Variants in BTRC observed in about 807,000 individuals in gnomAD.
BTRC encodes beta-transducin repeat containing E3 ubiquitin protein ligase.
BTRC carries 42 observed loss-of-function variants against 85.5 expected under a neutral mutation model. The ratio of observed to expected loss-of-function variants is 0.49; its 90% CI spans 0.38 to 0.64. BTRC has a LOEUF of 0.64. Ranked by LOEUF, BTRC falls within the 30% of genes least tolerant of loss-of-function variation. The pLI is 0.00. For synonymous variants in BTRC, 255 were observed against 263.3 expected, an observed-to-expected ratio of 0.97 and a Z score of 0.30; for missense variants, 594 against 743.5, an observed-to-expected ratio of 0.80 and a Z score of 2.34.
At chr10:101,376,209 T>TA (rs1383549679) in intron 1 of BTRC, among the ~76,000 whole-genome samples, 2 of 152,140 alleles carry the variant, frequency 1.3e-5, no homozygotes, top group Non-Finnish European at 2.9e-5. Context: ...GCCTGTAGTC[T>TA]AGCTACTTGG....
At chr10:101,414,346 T>C (rs1471760856) in intron 1 of BTRC, among the ~76,000 whole-genome samples, 1 of 152,160 alleles carries the variant, frequency 6.6e-6, no homozygotes, top group African/African-American at 2.4e-5. Flanking sequence ...TAACGTCATA[T>C]AATGCAAGGC....
At chr10:101,390,579 G>A (rs1943212154) in intron 1 of BTRC, among the ~76,000 whole-genome samples, 2 of 151,820 alleles carry the variant, frequency 1.3e-5, no homozygotes, top group South Asian at 2.1e-4. Flanking sequence ...TGATCCTCCC[G>A]CCTCGGTCTC....
intron 1 of BTRC, among the ~76,000 whole-genome samples, chr10:101,411,966 C>CTAGTG (rs1943792638): frequency 6.6e-6 from 1 of 152,112 alleles, no homozygotes; most frequent in African/African-American, 2.4e-5. Context: ...AGCTTTTATT[C>CTAGTG]TAGTGTAGTT....
At chr10:101,495,616 G>A (rs567056493) in intron 4 of BTRC, among the ~76,000 whole-genome samples, 2 of 152,226 alleles carry the variant, frequency 1.3e-5, no homozygotes, top group East Asian at 3.9e-4. Flanking sequence ...ATAGTCTCAG[G>A]CTCTTCTGTG....
intron 4 of BTRC, among the ~76,000 whole-genome samples, chr10:101,496,176 A>G (rs191673383): frequency 6.6e-6 from 1 of 152,288 alleles, no homozygotes; most frequent in East Asian, 1.9e-4. Flanking sequence ...TCAGATTTTC[A>G]TAACTACAAA....
chr10:101,397,922 C>G (rs1048126448), intron 1 of BTRC, among the ~76,000 whole-genome samples: 2 of 152,130 alleles, frequency 1.3e-5, no homozygotes, highest in Non-Finnish European at 2.9e-5. Context: ...GTAATCAAAG[C>G]TTCTTAAGTG....
At chr10:101,532,482 A>G (rs2062300138) in intron 8 of BTRC, 50 bp downstream of exon 8, 2 of 1,542,282 alleles carry the variant, frequency 1.3e-6, no homozygotes, top group African/African-American at 2.7e-5. Context: ...AAGAGTGACC[A>G]CATTCATAGC....
intron 1 of BTRC, among the ~76,000 whole-genome samples, chr10:101,386,275 T>C (rs1943077183): frequency 6.6e-6 from 1 of 152,234 alleles, no homozygotes; most frequent in African/African-American, 2.4e-5. Context: ...GTCAGTTTAC[T>C]CTAGTAAGTA....
chr10:101,509,243 ATTTTTTTTTTTTTTTT>A (rs71016330), intron 4 of BTRC, among the ~76,000 whole-genome samples: 47 of 69,918 alleles, frequency 6.7e-4, no homozygotes, highest in African/African-American at 2.8e-3. Context: ...GGCAATGTGG[ATTTTTTTTTTTTTTTT>A]TTTTTTTTTT....
chr10:101,524,442 A>T (rs1249712514), intron 5 of BTRC, among the ~76,000 whole-genome samples: 1 of 152,174 alleles, frequency 6.6e-6, no homozygotes, highest in Non-Finnish European at 1.5e-5. Flanking sequence ...TGACCACTCT[A>T]TGAGGTATTA....
rs540353407 is a variant in BTRC, at chr10:101,370,919, T to G, written c.48+16691T>G. Among the ~76,000 whole-genome samples the G allele has an allele frequency of 4.6e-5, 7 of 152,266 alleles. No homozygotes were observed. In the South Asian group the frequency reaches 1.5e-3, roughly 32 times the overall value. On this transcript the variant is annotated intron_variant, in intron 1 of 14. Transcript: ENST00000370187. Reference sequence around the variant, plus strand: ...ATTTATCTGCACACACAGACACACATACATATGTACCTATATACATACACA... The same window carrying G: ...ATTTATCTGCACACACAGACACACAGACATATGTACCTATATACATACACA...
At chr10:101,448,489 A>G (rs972133353) in intron 2 of BTRC, among the ~76,000 whole-genome samples, 2 of 152,094 alleles carry the variant, frequency 1.3e-5, no homozygotes, top group African/African-American at 2.4e-5. Context: ...GAAGACATGA[A>G]TTGGTGTGTA....
At chr10:101,385,316 G>A (rs1337841419) in intron 1 of BTRC, among the ~76,000 whole-genome samples, 5 of 138,190 alleles carry the variant, frequency 3.6e-5, no homozygotes, top group East Asian at 2.1e-4. Flanking sequence ...GCAGTGAGCC[G>A]AAATCGCGCC....
chr10:101,534,731 C>A lies in BTRC; in HGVS notation c.1168C>A (p.Arg390Ser), dbSNP rs1390897262. The change falls in exon 10 of 15, where the codon CGT becomes AGT. Residue 390 changes from arginine (R) to serine (S), a missense_variant. Physicochemically the swap from Arg to Ser is moderately radical, Grantham distance 110. Around this residue, in one of 4 missense-constraint regions of BTRC, gnomAD observed 373 missense variants for 503.6 expected, o/e 0.74. Transcript: ENST00000370187. The stretch of plus-strand genomic sequence containing the variant: ...CCATTGTGAAGCAGTTCTGCACTTG[C>A]GTTTCAATAATGGCATGATGGTGAC... ...IHHCEAVLHL[R>S]FNNGMMVTCS... is the part of the protein sequence containing the mutation. 1.2e-6 allele frequency: 2 copies of A among 1,614,042 alleles called. No homozygotes were observed. The highest frequency in any genetic ancestry group is 8.5e-7 in the Non-Finnish European group (1 of 1,180,026).
intron 4 of BTRC, among the ~76,000 whole-genome samples, chr10:101,502,707 C>A (rs575439807): frequency 6.6e-6 from 1 of 152,104 alleles, no homozygotes; most frequent in Non-Finnish European, 1.5e-5. Context: ...ACTGTACTCA[C>A]AAAAAGCAAT....
upstream of BTRC, chr10:101,354,156 A>G (rs1455251607): frequency 6.5e-7 from 1 of 1,548,242 alleles, no homozygotes; most frequent in Non-Finnish European, 8.7e-7. Flanking sequence ...CCCGGCGGAG[A>G]GCGGACCCAG....
intron 2 of BTRC, among the ~76,000 whole-genome samples, chr10:101,435,959 G>A (rs1439283803): frequency 6.6e-6 from 1 of 152,058 alleles, no homozygotes; most frequent in Non-Finnish European, 1.5e-5. Flanking sequence ...AAGCTATGGA[G>A]TCATTGCTGA....
intron 4 of BTRC, among the ~76,000 whole-genome samples, chr10:101,510,740 A>G (rs990036004): frequency 6.6e-6 from 1 of 152,198 alleles, no homozygotes; most frequent in Non-Finnish European, 1.5e-5. Context: ...ATGAGGTAGT[A>G]AAGTATTATA....
chr10:101,442,626 TTAAC>T (rs1310186070), intron 2 of BTRC, among the ~76,000 whole-genome samples: 1 of 152,176 alleles, frequency 6.6e-6, no homozygotes, highest in Non-Finnish European at 1.5e-5. Flanking sequence ...AAAATTTCCT[TTAAC>T]TGGTGAAAAA....
Sources: allele counts gnomAD v4.1 joint callset (sites outside exome capture counted in the v4.1 genomes callset), GRCh38; gene constraint gnomAD v4.1.1; regional missense constraint gnomAD v4.1.1; transcripts MANE v1.5; gene names NCBI Gene and HGNC (gene_info 2026-07-23, HGNC 2026-07-21).